The following FLRT2 variants were observed in gnomAD, a reference collection of about 807,000 sequenced individuals.
FLRT2 encodes the protein fibronectin leucine rich transmembrane protein 2.
Under a neutral mutation model 40.0 loss-of-function variants are expected in FLRT2, and 15 were observed. The ratio of observed to expected loss-of-function variants is 0.38; its 90% CI spans 0.25 to 0.58. FLRT2 has a LOEUF of 0.58. FLRT2 is among the 20% of genes least tolerant of loss of function. The pLI, the probability that FLRT2 is intolerant of heterozygous loss-of-function variation, is 0.71. For missense variants in FLRT2, 726 were observed against 840.0 expected (o/e 0.86, Z 1.68); for synonymous variants, 380 against 336.8 (o/e 1.13, Z -1.41).
At chr14:85,561,917 G>A (rs1890349821) in intron 1 of FLRT2, among the ~76,000 whole-genome samples, 1 of 152,108 alleles carries the variant, frequency 6.6e-6, no homozygotes. Flanking sequence ...TTTGGTTTTA[G>A]TGCCCCTAAA....
chr14:85,544,714 G>T (rs554896039), intron 1 of FLRT2, among the ~76,000 whole-genome samples: 1 of 152,156 alleles, frequency 6.6e-6, no homozygotes, highest in Non-Finnish European at 1.5e-5. Flanking sequence ...ATGGTTTAAT[G>T]TGTTGATGGT....
chr14:85,588,738 A>C (rs1025369230), intron 1 of FLRT2, among the ~76,000 whole-genome samples: 6 of 152,074 alleles, frequency 3.9e-5, no homozygotes, highest in African/African-American at 1.4e-4. Context: ...TCTACCCATT[A>C]ACGATACTTA....
At chr14:85,550,344 T>C (rs922819311) in intron 1 of FLRT2, among the ~76,000 whole-genome samples, 7 of 152,164 alleles carry the variant, frequency 4.6e-5, no homozygotes, top group Non-Finnish European at 1.0e-4. Context: ...CCCTAGGGAA[T>C]GGCTGTTAGG....
At chr14:85,600,568 A>T (rs2139332642) in intron 1 of FLRT2, among the ~76,000 whole-genome samples, 1 of 152,310 alleles carries the variant, frequency 6.6e-6, no homozygotes, top group East Asian at 1.9e-4. Flanking sequence ...AAACGTGGTC[A>T]AGAGAATCTA....
chr14:85,550,970 C>T (rs1056318492), intron 1 of FLRT2, among the ~76,000 whole-genome samples: 1 of 152,052 alleles, frequency 6.6e-6, no homozygotes, highest in Non-Finnish European at 1.5e-5. Flanking sequence ...TTTTCATTAC[C>T]CTATCCTCCT....
At chr14:85,609,302 C>T (rs1349319238) in intron 1 of FLRT2, among the ~76,000 whole-genome samples, 4 of 152,214 alleles carry the variant, frequency 2.6e-5, no homozygotes, top group East Asian at 1.9e-4. Flanking sequence ...TGACCCTGTG[C>T]GTTCCTTACC....
At chr14:85,546,142 T>C (rs1284995465) in intron 1 of FLRT2, among the ~76,000 whole-genome samples, 1 of 152,180 alleles carries the variant, frequency 6.6e-6, no homozygotes, top group African/African-American at 2.4e-5. Flanking sequence ...TTTTTGACCA[T>C]CCCTCGCTTT....
chr14:85,547,936 T>C (rs1235213461), intron 1 of FLRT2, among the ~76,000 whole-genome samples: 1 of 152,220 alleles, frequency 6.6e-6, no homozygotes, highest in Non-Finnish European at 1.5e-5. Context: ...AGTTGCATTC[T>C]TTTGAGTTTC....
chr14:85,544,561 G>A (rs1889171955), intron 1 of FLRT2, among the ~76,000 whole-genome samples: 1 of 152,086 alleles, frequency 6.6e-6, no homozygotes, highest in South Asian at 2.1e-4. Context: ...GAGGACCCAG[G>A]GCTCTCCAGA....
chr14:85,611,460 AG>A (rs1187184864), intron 1 of FLRT2, among the ~76,000 whole-genome samples: 13 of 152,238 alleles, frequency 8.5e-5, no homozygotes, highest in Admixed American at 2.0e-4. Flanking sequence ...AGAACCAACA[AG>A]GAAAGATTTT....
At chr14:85,597,129 A>G (rs2139326785) in intron 1 of FLRT2, among the ~76,000 whole-genome samples, 1 of 152,298 alleles carries the variant, frequency 6.6e-6, no homozygotes, top group South Asian at 2.1e-4. Context: ...TTTTGAACTC[A>G]AATCATCCTT....
intron 1 of FLRT2, among the ~76,000 whole-genome samples, chr14:85,616,026 A>G (rs562863036): frequency 4.8e-4 from 73 of 152,308 alleles, no homozygotes; most frequent in African/African-American, 1.6e-3. Flanking sequence ...TCGTGCTTTG[A>G]GTCTCAGTTC....
intron 1 of FLRT2, among the ~76,000 whole-genome samples, chr14:85,588,437 C>G (rs1223084804): frequency 6.8e-6 from 1 of 146,898 alleles, no homozygotes. Context: ...TGACTTGATC[C>G]AGTTCCTATC....
chr14:85,548,548 T>A (rs146670729), intron 1 of FLRT2, among the ~76,000 whole-genome samples: 1 of 152,236 alleles, frequency 6.6e-6, no homozygotes, highest in South Asian at 2.1e-4. Context: ...GCCAAATTAA[T>A]TGTGCTATAG....
chr14:85,567,232 A>G (rs186424242), intron 1 of FLRT2, among the ~76,000 whole-genome samples: 33 of 152,280 alleles, frequency 2.2e-4, no homozygotes, highest in African/African-American at 7.0e-4. Flanking sequence ...TGGACACTGG[A>G]CAGTTTCCTG....
At chr14:85,541,775 A>G (rs748577845) in intron 1 of FLRT2, among the ~76,000 whole-genome samples, 90 of 152,152 alleles carry the variant, frequency 5.9e-4, no homozygotes, top group African/African-American at 2.1e-3. Context: ...CATTGAAAGC[A>G]TAGCCTTTGT....
rs58949483 is a variant in FLRT2, at chr14:85,625,980, T to C, written c.*2483T>C. 8.6e-3 allele frequency: 1,432 copies of C among 167,226 alleles called. 22 individuals carry two copies. Among genetic ancestry groups the C allele is most frequent in the African/African-American group, 0.032 (1,313 of 41,554 alleles). 10.4% of individuals were successfully genotyped at this position (167,226 alleles called of 1,614,324 possible). A position where few individuals can be genotyped will look rare whatever the true frequency, so the allele number is the denominator to read the frequency against. On this transcript the variant is annotated 3_prime_UTR_variant, in exon 2 of 2. Coordinates refer to ENST00000330753, the MANE Select transcript of FLRT2 (RefSeq NM_013231.6). ...TTCACAGAATTATTTGGGGCTTAAA[T>C]GGTACAATGGAGACAGTCATGTGCA...
chr14:85,584,971 A>G (rs1891553942), intron 1 of FLRT2, among the ~76,000 whole-genome samples: 1 of 152,128 alleles, frequency 6.6e-6, no homozygotes, highest in East Asian at 1.9e-4. Context: ...TAAAGATGTA[A>G]GAAGGATAAG....
intron 1 of FLRT2, among the ~76,000 whole-genome samples, chr14:85,600,112 T>C (rs1892317416): frequency 6.6e-6 from 1 of 152,148 alleles, no homozygotes. Flanking sequence ...TGAGCGATGT[T>C]GTAAAAGAAG....
Sources: allele counts gnomAD v4.1 joint callset (sites outside exome capture counted in the v4.1 genomes callset), GRCh38; gene constraint gnomAD v4.1.1; transcripts MANE v1.5; gene names NCBI Gene and HGNC (gene_info 2026-07-23, HGNC 2026-07-21).